The following MAPT variants were observed in gnomAD, a reference collection of about 807,000 sequenced individuals.
MAPT encodes microtubule associated protein tau.
MAPT carries 34 observed loss-of-function variants against 67.9 expected under a neutral mutation model. The observed-to-expected ratio is 0.50, with a 90% CI of 0.38 to 0.67. The LOEUF (loss-of-function observed/expected upper bound fraction) is 0.67. MAPT is among the 30% of genes least tolerant of loss of function. The pLI is 0.00. For missense variants in MAPT, 881 were observed against 1,115.2 expected (o/e 0.79, Z 2.99); for synonymous variants, 456 against 464.5 (o/e 0.98, Z 0.23).
At chr17:45,914,917 A>G (rs55810795) in intron 1 of MAPT, among the ~76,000 whole-genome samples, 21,739 of 151,254 alleles carry the variant, frequency 0.14, 2,114 homozygotes, top group Middle Eastern at 0.22. Context: ...GAGTTTTTCT[A>G]TGTTGCCCAG....
intron 11 of MAPT, among the ~76,000 whole-genome samples, chr17:46,015,435 G>A (rs12149995): frequency 0.14 from 21,774 of 151,852 alleles, 2,130 homozygotes; most frequent in Non-Finnish European, 0.22. Flanking sequence ...CGAGGCGAGC[G>A]GATCACAAGG....
chr17:45,982,881 C>T lies in MAPT; in HGVS notation c.302C>T (p.Pro101Leu). Reference sequence around the variant, plus strand: ...TTCAAACCAGAGGAGTTGAGAGTTCCGGGCCGGCAGAGGAAGGCGCCTGAA... The same window carrying T: ...TTCAAACCAGAGGAGTTGAGAGTTCTGGGCCGGCAGAGGAAGGCGCCTGAA... ...GHVTQEELRV[P>L]GRQRKAPERP... Residue 101 changes from proline to leucine, a missense_variant, in exon 5 of 13, where the codon CCG becomes CTG. Physicochemically the swap from Pro to Leu is moderately conservative, Grantham distance 98 (BLOSUM62 -3). Transcript: ENST00000262410. 2.3e-6 allele frequency: 3 copies of T among 1,326,122 alleles called. No individual in the cohort carries two copies. The highest frequency in any genetic ancestry group is 2.3e-5 in the South Asian group (1 of 43,676). 82.1% of individuals were successfully genotyped at this position (1,326,122 alleles called of 1,614,324 possible).
At chr17:45,938,986 G>A (rs2067618359) in intron 1 of MAPT, among the ~76,000 whole-genome samples, 1 of 151,852 alleles carries the variant, frequency 6.6e-6, no homozygotes, top group African/African-American at 2.4e-5. Flanking sequence ...ACTAATTTTT[G>A]TATTTTTAGT....
chr17:45,987,175 A>C, intron 6 of MAPT, 80 bp downstream of exon 6: 1 of 1,314,986 alleles, frequency 7.6e-7, no homozygotes, highest in Non-Finnish European at 1.1e-6. Context: ...TCATTCTCAT[A>C]TATAATGTGG....
intron 6 of MAPT, 43 bp from the exon 7 acceptor site, chr17:45,989,835 T>C: frequency 6.4e-7 from 1 of 1,558,372 alleles, no homozygotes; most frequent in African/African-American, 1.4e-5. Flanking sequence ...CCCTCCTCCA[T>C]GTGCTGACTT....
At chr17:45,951,372 C>CA (rs2069058795) in intron 1 of MAPT, among the ~76,000 whole-genome samples, 1 of 152,166 alleles carries the variant, frequency 6.6e-6, no homozygotes, top group Non-Finnish European at 1.5e-5. Flanking sequence ...TTAAGTCAAT[C>CA]AAAAACAGTT....
At chr17:45,942,846 T>C (rs560428222) in intron 1 of MAPT, among the ~76,000 whole-genome samples, 9 of 152,306 alleles carry the variant, frequency 5.9e-5, no homozygotes, top group African/African-American at 2.2e-4. Context: ...TTACAGACAA[T>C]GCAAAGGAGG....
intron 2 of MAPT, among the ~76,000 whole-genome samples, chr17:45,965,726 CA>C (rs60683636): frequency 0.43 from 63,101 of 147,864 alleles, 15,224 homozygotes; most frequent in African/African-American, 0.68. Context: ...AACTCCTTCT[CA>C]AAAAAAAAAA....
chr17:45,956,307 CG>C (rs926980636), intron 1 of MAPT, among the ~76,000 whole-genome samples: 1 of 152,036 alleles, frequency 6.6e-6, no homozygotes, highest in African/African-American at 2.4e-5. Flanking sequence ...CAGGGCACCG[CG>C]GGGGGCTTTG....
intron 9 of MAPT, among the ~76,000 whole-genome samples, chr17:46,004,890 TCTC>T (rs750022749): frequency 2.1e-4 from 32 of 152,290 alleles, no homozygotes; most frequent in Non-Finnish European, 4.6e-4. Context: ...TTCATGCTAT[TCTC>T]CTGTCTCAGC....
intron 1 of MAPT, among the ~76,000 whole-genome samples, chr17:45,925,375 C>T (rs532410032): frequency 1.3e-5 from 2 of 152,244 alleles, no homozygotes; most frequent in Non-Finnish European, 2.9e-5. Context: ...TCAAAGGCAG[C>T]ATTCACTCAG....
chr17:46,007,688 G>T (rs966157582), intron 9 of MAPT, among the ~76,000 whole-genome samples: 4 of 152,110 alleles, frequency 2.6e-5, no homozygotes, highest in African/African-American at 9.7e-5. Flanking sequence ...AACACCCAGT[G>T]CTGGCAGCAA....
Position 46,003,676 on chromosome 17 carries a change from G to A in MAPT, c.1999-6634G>A, listed in dbSNP as rs556710758. ...TGGAATAAATACAGTGAATTTGTAC[G>A]TGGAATCGTTTGCCTCTCCTCAATC... is the stretch of plus-strand genomic sequence containing the variant. On this transcript the variant is annotated intron_variant, in intron 9 of 12. Coordinates refer to ENST00000262410, the MANE Select transcript of MAPT (RefSeq NM_001377265.1). Among the ~76,000 whole-genome samples, 3 of 152,266 alleles carry A rather than the reference G, an allele frequency of 2.0e-5. No homozygotes were observed. The East Asian group carries it at 5.8e-4, about 29-fold the overall frequency.
Position 45,983,490 on chromosome 17 carries a change from C to A in MAPT, c.911C>A (p.Pro304His), listed in dbSNP as rs1236770446. ...GACCGCGACGTCGATGAGTCCTCCC[C>A]CCAAGACTCCCCTCCCTCCAAGGCC... ...DEDRDVDESS[P>H]QDSPPSKASP... Residue 304 changes from proline to histidine, a missense_variant, in exon 5 of 13, where the codon CCC becomes CAC. Coordinates refer to ENST00000262410, the MANE Select transcript of MAPT (RefSeq NM_001377265.1). The A allele has an allele frequency of 1.2e-6, 2 of 1,611,840 alleles. No homozygotes were observed. The highest frequency in any genetic ancestry group is 1.7e-6 in the Non-Finnish European group (2 of 1,179,218).
At chr17:45,982,202 A>G (rs2073041533) in intron 4 of MAPT, among the ~76,000 whole-genome samples, 2 of 151,634 alleles carry the variant, frequency 1.3e-5, no homozygotes. Flanking sequence ...CGTGCCTGTA[A>G]TCCCAGTTAC....
intron 4 of MAPT, 30 bp from the exon 5 acceptor site, chr17:45,982,836 C>A: frequency 8.2e-7 from 1 of 1,222,010 alleles, no homozygotes; most frequent in Non-Finnish European, 1.0e-6. Flanking sequence ...CCCTTGCTAA[C>A]CTTTTGCTAT....
At chr17:45,986,694 G>C (rs1039561591) in intron 5 of MAPT, among the ~76,000 whole-genome samples, 1 of 152,236 alleles carries the variant, frequency 6.6e-6, no homozygotes, top group Non-Finnish European at 1.5e-5. Context: ...GGCAGAAACA[G>C]GGCAGGAGCC....
intron 5 of MAPT, chr17:45,985,789 A>C: frequency 1.1e-6 from 1 of 939,752 alleles, no homozygotes; most frequent in Non-Finnish European, 1.3e-6. Flanking sequence ...GCAGGTTCCC[A>C]GGTGCCACTT....
chr17:45,895,005 G>A, intron 1 of MAPT: 1 of 156,316 alleles, frequency 6.4e-6, no homozygotes, highest in Non-Finnish European at 1.4e-5. Flanking sequence ...TTGGGGGAGG[G>A]GGCTGCCCTT....
Sources: allele counts gnomAD v4.1 joint callset (sites outside exome capture counted in the v4.1 genomes callset), GRCh38; gene constraint gnomAD v4.1.1; transcripts MANE v1.5; gene names NCBI Gene and HGNC (gene_info 2026-07-23, HGNC 2026-07-21).